The following GPRIN1 variants were observed in gnomAD, a reference collection of about 807,000 sequenced individuals.
GPRIN1 encodes the protein G protein-regulated inducer of neurite outgrowth 1.
A neutral mutation model predicts 2.8 loss-of-function variants in GPRIN1; 4 were observed. That is an observed-to-expected ratio of 1.45 (90% CI 0.71 to 3.32). The LOEUF (loss-of-function observed/expected upper bound fraction) is 3.32. GPRIN1 is among the 30% of genes most tolerant of loss of function. GPRIN1 has a pLI of 0.01. For synonymous variants in GPRIN1, 589 were observed against 589.9 expected, an observed-to-expected ratio of 1.00 and a Z score of 0.02; for missense variants, 1,322 against 1,343.4, an observed-to-expected ratio of 0.98 and a Z score of 0.25.
In GPRIN1 at chr5:176,602,917, C is replaced by T. The variant is rs954255929; in HGVS notation, c.-43-3040G>A. Among the ~76,000 whole-genome samples, 4 of 152,190 alleles carry T rather than the reference C, an allele frequency of 2.6e-5. No homozygotes were observed. Among genetic ancestry groups the T allele is most frequent in the Non-Finnish European group, 4.4e-5 (3 of 68,036 alleles). On this transcript the variant is annotated intron_variant, in intron 1 of 1. Coordinates refer to ENST00000303991, the MANE Select transcript of GPRIN1 (RefSeq NM_052899.3). The surrounding 1 kb of genome is among the most constrained non-coding windows in gnomAD (Gnocchi z 4.4). The stretch of plus-strand genomic sequence containing the variant: ...GCGTGTAGCCAAGGAAAAGGACACA[C>T]ATGGATGGGTTTATTTATAAAGAGA...
At position 176,596,707 on chromosome 5, in the gene GPRIN1, T is replaced by G; in HGVS notation, c.*101A>C. The G allele has an allele frequency of 9.7e-7, 1 of 1,031,956 alleles. No homozygotes were observed. Among genetic ancestry groups the G allele is most frequent in the Non-Finnish European group, 1.2e-6 (1 of 806,286 alleles). The allele number at this position is 1,031,956 out of a possible 1,614,324, so 63.9% of individuals were successfully genotyped here. ...ACAGCCCTAGAGGCTGCACAACCCC[T>G]CGGAGGCCTGTGGCACGCAGAGGGG... On this transcript the variant is annotated 3_prime_UTR_variant, in exon 2 of 2. Transcript: ENST00000303991. The surrounding 1 kb of genome is among the most constrained non-coding windows in gnomAD (Gnocchi z 5.2).
intron 1 of GPRIN1, among the ~76,000 whole-genome samples, chr5:176,609,038 C>T (rs995253145): frequency 5.9e-5 from 9 of 152,200 alleles, no homozygotes; most frequent in Non-Finnish European, 1.3e-4. Context: ...CTTCCAGAAA[C>T]GGCCCTCAGA....
chr5:176,601,264 G>A (rs1261722654), intron 1 of GPRIN1, among the ~76,000 whole-genome samples: 1 of 152,202 alleles, frequency 6.6e-6, no homozygotes, highest in South Asian at 2.1e-4. Context: ...AAGGAGCACA[G>A]GGGTTGGCCA....
chr5:176,610,050 C>A lies in GPRIN1; in HGVS notation c.-95G>T, dbSNP rs1759292462. On this transcript the variant is annotated 5_prime_UTR_variant, in exon 1 of 2. Coordinates refer to ENST00000303991, the MANE Select transcript of GPRIN1 (RefSeq NM_052899.3). ...GGGCGAGATGCGCTCCGGCTCCCGC[C>A]GCCGCCGCCGCCGCCGCCCGAGCGG... is the stretch of plus-strand genomic sequence containing the variant. The A allele has an allele frequency of 6.5e-6, 1 of 152,924 alleles. No homozygotes were observed. The highest frequency in any genetic ancestry group is 1.8e-4 in the South Asian group (1 of 5,680). 9.5% of individuals were successfully genotyped at this position (152,924 alleles called of 1,614,324 possible).
rs755906563 is a variant in GPRIN1, at chr5:176,598,289, C to A, written c.1546G>T (p.Gly516Trp). The change falls in exon 2 of 2, where the codon GGG becomes TGG. Residue 516 changes from glycine to tryptophan, a missense_variant. Physicochemically the swap from Gly to Trp is radical, Grantham distance 184 (BLOSUM62 -2). This residue lies in a region of GPRIN1 where 1,117 missense variants were observed against 1,128.6 expected (regional missense o/e 0.99). Coordinates refer to ENST00000303991, the MANE Select transcript of GPRIN1 (RefSeq NM_052899.3). ...GAGGACAGGGGATCTCCTTTTCCCC[C>A]CGTCGCTGGCTCAGCCTTTACTGCA... ...PSAVKAEPAT[G>W]GKGDPLSSEK... 3 of 1,613,798 alleles carry A rather than the reference C, an allele frequency of 1.9e-6. No homozygotes were observed. The highest frequency in any genetic ancestry group is 2.5e-6 in the Non-Finnish European group (3 of 1,179,902).
chr5:176,608,060 T>C (rs554588239), intron 1 of GPRIN1, among the ~76,000 whole-genome samples: 18 of 152,010 alleles, frequency 1.2e-4, no homozygotes, highest in Admixed American at 1.0e-3. Context: ...TAAGTAGCTA[T>C]AGGCATGCGC....
intron 1 of GPRIN1, among the ~76,000 whole-genome samples, chr5:176,607,948 C>G (rs1439473712): frequency 3.5e-5 from 4 of 113,588 alleles, no homozygotes; most frequent in African/African-American, 1.3e-4. Context: ...TTTCTGAAGA[C>G]AGGGTCTCAC....
In GPRIN1 at chr5:176,597,748, G is replaced by C; in HGVS notation, c.2087C>G (p.Ser696Cys). The C allele has an allele frequency of 6.2e-7, 1 of 1,604,670 alleles. No individual in the cohort carries two copies. The highest frequency in any genetic ancestry group is 1.7e-5 in the Admixed American group (1 of 58,466). Residue 696 changes from serine to cysteine, a missense_variant, in exon 2 of 2, where the codon TCT (serine) becomes TGT (cysteine). Around this residue, in one of 3 missense-constraint regions of GPRIN1, gnomAD observed 1,117 missense variants for 1,128.6 expected, o/e 0.99. Transcript: ENST00000303991. The surrounding 1 kb of genome is among the most constrained non-coding windows in gnomAD (Gnocchi z 6.1). ...GGACTCCGTTTTTCTGGAAGGTGCA[G>C]AGTCGGCTTTCCCCAGGGACACAGG... ...GEPVSLGKAD[S>C]APSRKTESPS...
chr5:176,598,168 T>G lies in GPRIN1; in HGVS notation c.1667A>C (p.Lys556Thr), dbSNP rs1759083337. 1 of 1,612,572 alleles carries G rather than the reference T, an allele frequency of 6.2e-7. No individual in the cohort carries two copies. The highest frequency in any genetic ancestry group is 1.7e-5 in the Admixed American group (1 of 59,974). ...AGAGGGGCCAGCGTCTGCCTTTCCCTTGCTCACAGGGTCCTCCTTGCCCAC... is the reference window on the plus strand; with the variant it reads ...AGAGGGGCCAGCGTCTGCCTTTCCCGTGCTCACAGGGTCCTCCTTGCCCAC... ...LAVGKEDPVS[K>T]GKADAGPSGQ... The change falls in exon 2 of 2, where the codon AAG (lysine) becomes ACG (threonine). Residue 556 changes from lysine (K) to threonine (T), a missense_variant. Transcript: ENST00000303991.
At chr5:176,606,679 G>A (rs1759224919) in intron 1 of GPRIN1, among the ~76,000 whole-genome samples, 2 of 152,246 alleles carry the variant, frequency 1.3e-5, no homozygotes, top group South Asian at 2.1e-4. Flanking sequence ...TCTCACTGTC[G>A]TTTTTCTCAC....
chr5:176,598,004 G>A lies in GPRIN1; in HGVS notation c.1831C>T (p.Leu611=), dbSNP rs767353099. Residue 611 remains leucine, a synonymous_variant, in exon 2 of 2, where the codon CTA becomes TTA. Transcript: ENST00000303991. ...IPEGKVGSLP[L]EKGSPVTTTK... The stretch of plus-strand genomic sequence containing the variant: ...GTGGTAACAGGACTCCCCTTCTCTA[G>A]AGGCAGAGAACCCACTTTTCCCTCT... 1.2e-6 allele frequency: 2 copies of A among 1,613,992 alleles called. No homozygotes were observed. The highest frequency in any genetic ancestry group is 1.7e-6 in the Non-Finnish European group (2 of 1,179,972).
In GPRIN1 at chr5:176,602,620, C is replaced by A. The variant is rs1453415971; in HGVS notation, c.-43-2743G>T. On this transcript the variant is annotated intron_variant, in intron 1 of 1. Coordinates refer to ENST00000303991, the MANE Select transcript of GPRIN1 (RefSeq NM_052899.3). This position sits in a 1 kb window ranked among gnomAD's most constrained non-coding sequence, Gnocchi z 4.4. The stretch of plus-strand genomic sequence containing the variant: ...TTTTTAGAAGGACATTTATCAATTT[C>A]TATCAAAGTTTACAACGCGCATAGC... 6.6e-6 allele frequency among the ~76,000 whole-genome samples: 1 copy of A among 152,208 alleles called. No individual in the cohort carries two copies. Among genetic ancestry groups the A allele is most frequent in the African/African-American group, 2.4e-5 (1 of 41,458 alleles).
chr5:176,602,518 A>G lies in GPRIN1; in HGVS notation c.-43-2641T>C, dbSNP rs1013403597. ...TGTTCCATGAATGACTGAATGACCT[A>G]AGATGCAGAGCCACCTGTGCCCTCC... On this transcript the variant is annotated intron_variant, in intron 1 of 1. Transcript: ENST00000303991. The surrounding 1 kb of genome is among the most constrained non-coding windows in gnomAD (Gnocchi z 4.4). 1.3e-5 allele frequency among the ~76,000 whole-genome samples: 2 copies of G among 152,168 alleles called. No individual in the cohort carries two copies. Among genetic ancestry groups the G allele is most frequent in the African/African-American group, 4.8e-5 (2 of 41,440 alleles).
chr5:176,602,941 G>T lies in GPRIN1; in HGVS notation c.-43-3064C>A, dbSNP rs754779550. Among the ~76,000 whole-genome samples, 6 of 152,220 alleles carry T rather than the reference G, an allele frequency of 3.9e-5. No homozygotes were observed. The highest frequency in any genetic ancestry group is 7.3e-5 in the Non-Finnish European group (5 of 68,038). On this transcript the variant is annotated intron_variant, in intron 1 of 1. Transcript: ENST00000303991. The surrounding 1 kb of genome is among the most constrained non-coding windows in gnomAD (Gnocchi z 4.4). ...ACATGGATGGGTTTATTTATAAAGA[G>T]AATTTCTGGATGGAATCCTATAAAA...
chr5:176,597,059 C>T lies in GPRIN1; in HGVS notation c.2776G>A (p.Gly926Ser). 6.6e-7 allele frequency: 1 copy of T among 1,508,098 alleles called. No individual in the cohort carries two copies. The highest frequency in any genetic ancestry group is 8.9e-7 in the Non-Finnish European group (1 of 1,126,268). 93.4% of individuals were successfully genotyped at this position (1,508,098 alleles called of 1,614,324 possible). ...DEKGMTWEVY[G>S]AAMEVEVLGM... ...AGCACCTCCACCTCCATGGCGGCGC[C>T]GTATACCTCCCACGTCATGCCCTTC... The change falls in exon 2 of 2, where the codon GGC becomes AGC. Residue 926 changes from glycine (G) to serine (S), a missense_variant. Gly to Ser is a moderately conservative substitution (Grantham distance 56). Transcript: ENST00000303991. This position sits in a 1 kb window ranked among gnomAD's most constrained non-coding sequence, Gnocchi z 6.1.
Position 176,599,597 on chromosome 5 carries a change from C to G in GPRIN1, c.238G>C (p.Gly80Arg). The stretch of plus-strand genomic sequence containing the variant: ...CTGGGGCCGTCAGAGCAGGAGGCCC[C>G]TTCCCCAGCCCCACTGGGGCTTCTG... ...RHRSPSGAGEGASCSDGPRGS... is the reference protein window; with the variant it reads ...RHRSPSGAGERASCSDGPRGS... Residue 80 changes from glycine to arginine, a missense_variant, in exon 2 of 2, where the codon GGG becomes CGG. Physicochemically the swap from Gly to Arg is moderately radical, Grantham distance 125. Transcript: ENST00000303991. The G allele has an allele frequency of 6.5e-7, 1 of 1,544,350 alleles. No homozygotes were observed. Among genetic ancestry groups the G allele is most frequent in the East Asian group, 2.3e-5 (1 of 44,374 alleles).
At chr5:176,609,560 G>A (rs2113357244) in intron 1 of GPRIN1, among the ~76,000 whole-genome samples, 1 of 152,316 alleles carries the variant, frequency 6.6e-6, no homozygotes, top group East Asian at 1.9e-4. Context: ...AGTAGTGCGA[G>A]TGGAGCCAGT....
intron 1 of GPRIN1, among the ~76,000 whole-genome samples, chr5:176,600,196 C>T (rs755284084): frequency 1.3e-5 from 2 of 152,190 alleles, no homozygotes; most frequent in Non-Finnish European, 2.9e-5. Context: ...TCTCAGCTCA[C>T]CGCAACCGCA....
chr5:176,599,748 G>T lies in GPRIN1; in HGVS notation c.87C>A (p.Cys29Ter), dbSNP rs1759120114. Residue 29 changes from cysteine (C) to a stop codon, truncating the protein, a stop_gained, in exon 2 of 2, where the codon TGC (cysteine) becomes TGA (stop). Transcript: ENST00000303991. LOFTEE classifies it low-confidence loss of function (END_TRUNC). ...CAGCCCCCAGGCTCCCATCCTGTGG[G>T]CAGAAGAAGGCTGTGGGTCGGGGTC... ...PPGPRPTAFF[C>*]PQDGSLGAGS... The T allele has an allele frequency of 2.0e-6, 3 of 1,535,278 alleles. No individual in the cohort carries two copies. Among genetic ancestry groups the T allele is most frequent in the Non-Finnish European group, 2.6e-6 (3 of 1,141,404 alleles).
Sources: gnomAD v4.1 joint callset for allele counts (sites outside exome capture counted in the v4.1 genomes callset) on GRCh38, gnomAD v4.1.1 for gene constraint, gnomAD v4.1.1 regional missense constraint, Gnocchi (gnomAD v3.1) non-coding constraint, MANE v1.5 for transcripts, NCBI Gene and HGNC (gene_info 2026-07-23, HGNC 2026-07-21) for gene names.